GRIA4: variants seen among roughly 807,000 people sequenced by gnomAD.
The protein encoded by GRIA4 is glutamate receptor 4.
GRIA4 carries 34 observed loss-of-function variants against 104.0 expected under a neutral mutation model. That is an observed-to-expected ratio of 0.33 (90% CI 0.25 to 0.44). GRIA4 has a LOEUF of 0.44. GRIA4 is among the 20% of genes least tolerant of loss of function. The probability of loss-of-function intolerance (pLI) is 1.00; values close to 1 mark genes in which losing one functional copy is unlikely to be tolerated. For synonymous variants in GRIA4, 386 were observed against 381.9 expected (o/e 1.01, Z -0.13); for missense variants, 750 against 1,096.5 (o/e 0.68, Z 4.46).
chr11:105,746,267 T>C (rs1939651333), intron 3 of GRIA4, among the ~76,000 whole-genome samples: 2 of 152,060 alleles, frequency 1.3e-5, no homozygotes, highest in South Asian at 4.1e-4. Flanking sequence ...CCTAAAAATA[T>C]TATTGTGGTT....
At chr11:105,857,912 C>G (rs1046381442) in intron 4 of GRIA4, among the ~76,000 whole-genome samples, 1 of 152,098 alleles carries the variant, frequency 6.6e-6, no homozygotes, top group Non-Finnish European at 1.5e-5. Flanking sequence ...AATAAATAAG[C>G]CCAGCTATTG....
At chr11:105,674,215 T>C (rs906341032) in intron 3 of GRIA4, among the ~76,000 whole-genome samples, 3 of 152,012 alleles carry the variant, frequency 2.0e-5, no homozygotes, top group African/African-American at 7.2e-5. Context: ...TATGCATATA[T>C]CTCATTTTGG....
intron 4 of GRIA4, among the ~76,000 whole-genome samples, chr11:105,784,296 C>T (rs79577552): frequency 6.6e-6 from 1 of 152,102 alleles, no homozygotes; most frequent in Non-Finnish European, 1.5e-5. Context: ...AATTTAGTGG[C>T]CTTATAACCA....
intron 3 of GRIA4, among the ~76,000 whole-genome samples, chr11:105,684,032 A>C (rs1396657093): frequency 6.6e-6 from 1 of 151,892 alleles, no homozygotes; most frequent in Non-Finnish European, 1.5e-5. Flanking sequence ...GCACCACCAC[A>C]CCAGGCTAAT....
At chr11:105,911,956 C>G in intron 10 of GRIA4, 1 of 1,524,060 alleles carries the variant, frequency 6.6e-7, no homozygotes, top group Admixed American at 1.9e-5. Context: ...CTAACTAAGG[C>G]TCAAGTCTTG....
intron 4 of GRIA4, among the ~76,000 whole-genome samples, chr11:105,845,382 A>G (rs546815240): frequency 1.3e-5 from 2 of 152,254 alleles, no homozygotes; most frequent in South Asian, 4.1e-4. Flanking sequence ...TGGAAGTCAC[A>G]TAGCATCACT....
intron 4 of GRIA4, among the ~76,000 whole-genome samples, chr11:105,787,184 A>C (rs1396812946): frequency 6.6e-6 from 1 of 152,188 alleles, no homozygotes; most frequent in African/African-American, 2.4e-5. Context: ...TGTATAAAGA[A>C]GTCTAAAGGC....
chr11:105,906,331 T>G (rs1370324873), intron 9 of GRIA4, among the ~76,000 whole-genome samples: 1 of 152,200 alleles, frequency 6.6e-6, no homozygotes, highest in African/African-American at 2.4e-5. Flanking sequence ...TCTCCCTTAC[T>G]GATCTACATA....
Position 105,979,856 on chromosome 11 carries a change from G to GA in GRIA4, c.*119dup. 2 of 716,730 alleles carry GA rather than the reference G, an allele frequency of 2.8e-6. No homozygotes were observed. The highest frequency in any genetic ancestry group is 5.5e-5 in the East Asian group (2 of 36,602). 44.4% of individuals were successfully genotyped at this position (716,730 alleles called of 1,614,324 possible). On this transcript the variant is annotated 3_prime_UTR_variant, in exon 17 of 17. Transcript: ENST00000282499. ...AAACCAATCCTTTGGCTGAGAGCGG[G>GA]AAGTCCGTCCTAACGCGCTGGCCGG...
At chr11:105,647,247 C>A (rs1020705454) in intron 3 of GRIA4, among the ~76,000 whole-genome samples, 2 of 152,076 alleles carry the variant, frequency 1.3e-5, no homozygotes, top group Admixed American at 1.3e-4. Context: ...CAATGAGATG[C>A]CATCTCATAC....
At chr11:105,779,415 T>G (rs1302287964) in intron 4 of GRIA4, among the ~76,000 whole-genome samples, 2 of 152,064 alleles carry the variant, frequency 1.3e-5, no homozygotes, top group Non-Finnish European at 2.9e-5. Flanking sequence ...CCAATGACTT[T>G]CTTCACAGAA....
At chr11:105,690,095 T>C (rs1015986025) in intron 3 of GRIA4, among the ~76,000 whole-genome samples, 1 of 152,200 alleles carries the variant, frequency 6.6e-6, no homozygotes, top group African/African-American at 2.4e-5. Flanking sequence ...TTAGTGTCTA[T>C]ACTTACATCT....
chr11:105,794,408 C>CAT (rs1419059274), intron 4 of GRIA4, among the ~76,000 whole-genome samples: 1 of 139,984 alleles, frequency 7.1e-6, no homozygotes, highest in Non-Finnish European at 1.5e-5. Flanking sequence ...TATATACACA[C>CAT]ATATATGTGT....
intron 3 of GRIA4, among the ~76,000 whole-genome samples, chr11:105,619,362 A>G (rs7124521): frequency 0.5 from 75,597 of 151,746 alleles, 19,107 homozygotes; most frequent in Non-Finnish European, 0.53. Flanking sequence ...ATCAGTTATT[A>G]TATCTGCATT....
intron 4 of GRIA4, among the ~76,000 whole-genome samples, chr11:105,767,456 T>C (rs1474110063): frequency 2.0e-5 from 3 of 152,192 alleles, no homozygotes; most frequent in Non-Finnish European, 4.4e-5. Context: ...TGTTTTGTTC[T>C]AAATTTACCA....
In GRIA4 at chr11:105,740,900, A is replaced by G. The variant is rs183231973; in HGVS notation, c.248-12081A>G. ...AAAGACAAAAGTCATTGTGGCTTTT[A>G]GATCACATGGGTATCACTCCAAATA... On this transcript the variant is annotated intron_variant, in intron 3 of 16. Transcript: ENST00000282499. Among the ~76,000 whole-genome samples, 5 of 152,336 alleles carry G rather than the reference A, an allele frequency of 3.3e-5. No individual in the cohort carries two copies. In the East Asian group the frequency reaches 9.7e-4, roughly 29 times the overall value.
At chr11:105,868,384 A>G (rs1413157392) in intron 5 of GRIA4, among the ~76,000 whole-genome samples, 1 of 152,166 alleles carries the variant, frequency 6.6e-6, no homozygotes, top group Non-Finnish European at 1.5e-5. Flanking sequence ...GATTCCTTGC[A>G]TTACACCAGT....
At chr11:105,744,754 A>G (rs186436777) in intron 3 of GRIA4, among the ~76,000 whole-genome samples, 179 of 152,240 alleles carry the variant, frequency 1.2e-3, no homozygotes, top group Middle Eastern at 3.4e-3. Context: ...ATCACATACA[A>G]ATTGGATAAT....
chr11:105,914,067 A>G (rs974516511), intron 10 of GRIA4, among the ~76,000 whole-genome samples: 3 of 151,766 alleles, frequency 2.0e-5, no homozygotes, highest in African/African-American at 7.2e-5. Flanking sequence ...TGTATTATAT[A>G]TATATACAGA....
Sources: allele counts gnomAD v4.1 joint callset (sites outside exome capture counted in the v4.1 genomes callset), GRCh38; gene constraint gnomAD v4.1.1; transcripts MANE v1.5; gene names NCBI Gene and HGNC (gene_info 2026-07-23, HGNC 2026-07-21).